The following RAB7A variants were observed in gnomAD, a reference collection of about 807,000 sequenced individuals.
RAB7A encodes the protein RAB7A, member RAS oncogene family, also known as ras-related protein Rab-7a.
Under a neutral mutation model 24.5 loss-of-function variants are expected in RAB7A, and 2 were observed. The observed-to-expected ratio is 0.08, with a 90% CI of 0.03 to 0.26. RAB7A has a LOEUF of 0.26. RAB7A is among the 10% of genes least tolerant of loss of function. The pLI, the probability that RAB7A is intolerant of heterozygous loss-of-function variation, is 1.00. For synonymous variants in RAB7A, 100 were observed against 95.9 expected (o/e 1.04, Z -0.25); for missense variants, 118 against 255.7 (o/e 0.46, Z 3.67).
chr3:128,737,645 G>A (rs1406360945), intron 1 of RAB7A, among the ~76,000 whole-genome samples: 2 of 148,736 alleles, frequency 1.3e-5, no homozygotes, highest in African/African-American at 4.9e-5. Flanking sequence ...CTATCTTTCT[G>A]TCTCTCTTTT....
chr3:128,744,783 C>T (rs937209665), intron 1 of RAB7A, among the ~76,000 whole-genome samples: 2 of 152,148 alleles, frequency 1.3e-5, no homozygotes, highest in African/African-American at 2.4e-5. Context: ...TGTGTTTCTG[C>T]CCTGCATTTG....
At chr3:128,807,112 A>G (rs1933820842) in intron 4 of RAB7A, among the ~76,000 whole-genome samples, 1 of 152,200 alleles carries the variant, frequency 6.6e-6, no homozygotes, top group Admixed American at 6.5e-5. Flanking sequence ...GGAAGGAATG[A>G]GAATGTGTGA....
intron 3 of RAB7A, among the ~76,000 whole-genome samples, chr3:128,806,094 C>T (rs904073384): frequency 3.3e-5 from 5 of 152,234 alleles, no homozygotes; most frequent in Non-Finnish European, 7.3e-5. Flanking sequence ...CACTTACCTA[C>T]ATGTGACCAC....
At chr3:128,732,049 T>TC (rs1180841049) in intron 1 of RAB7A, among the ~76,000 whole-genome samples, 14 of 149,954 alleles carry the variant, frequency 9.3e-5, no homozygotes, top group African/African-American at 2.9e-4. Flanking sequence ...TTTTTTTTTT[T>TC]TCTCTCTCTG....
chr3:128,779,341 A>G (rs1933163815), intron 1 of RAB7A, among the ~76,000 whole-genome samples: 1 of 151,820 alleles, frequency 6.6e-6, no homozygotes, highest in South Asian at 2.1e-4. Context: ...CCAGGAGACA[A>G]AGGTTGCAGT....
chr3:128,809,069 A>G (rs1002083074), intron 5 of RAB7A, among the ~76,000 whole-genome samples: 7 of 152,176 alleles, frequency 4.6e-5, no homozygotes, highest in African/African-American at 1.4e-4. Context: ...TAATGTTCAT[A>G]TAAGGGAATG....
At chr3:128,744,774 G>T (rs557441091) in intron 1 of RAB7A, among the ~76,000 whole-genome samples, 3 of 152,132 alleles carry the variant, frequency 2.0e-5, no homozygotes, top group Non-Finnish European at 4.4e-5. Flanking sequence ...TACAATGTGT[G>T]TGTTTCTGCC....
At chr3:128,768,836 G>A (rs946725574) in intron 1 of RAB7A, among the ~76,000 whole-genome samples, 1 of 151,646 alleles carries the variant, frequency 6.6e-6, no homozygotes, top group African/African-American at 2.4e-5. Context: ...TGGGATTACA[G>A]GCGTGAGACA....
At chr3:128,729,358 C>T (rs2070410867) in intron 1 of RAB7A, among the ~76,000 whole-genome samples, 1 of 152,110 alleles carries the variant, frequency 6.6e-6, no homozygotes, top group Admixed American at 6.5e-5. Context: ...ATCATGAGGT[C>T]AGGAGATCGA....
intron 1 of RAB7A, among the ~76,000 whole-genome samples, chr3:128,790,763 T>G (rs1230651300): frequency 6.6e-6 from 1 of 152,228 alleles, no homozygotes; most frequent in African/African-American, 2.4e-5. Context: ...TTTTATAACA[T>G]GCTTTTCAAG....
At chr3:128,809,773 C>T (rs1027561642) in intron 5 of RAB7A, among the ~76,000 whole-genome samples, 14 of 151,632 alleles carry the variant, frequency 9.2e-5, no homozygotes, top group East Asian at 5.8e-4. Context: ...TTACACAAGC[C>T]GTTTCCCTCC....
intron 1 of RAB7A, among the ~76,000 whole-genome samples, chr3:128,763,633 G>A (rs1385846644): frequency 6.6e-6 from 1 of 152,078 alleles, no homozygotes; most frequent in Non-Finnish European, 1.5e-5. Flanking sequence ...CCATATCACT[G>A]CATTGTAAAG....
intron 1 of RAB7A, among the ~76,000 whole-genome samples, chr3:128,740,168 A>T (rs193032251): frequency 3.1e-4 from 47 of 152,302 alleles, no homozygotes; most frequent in Admixed American, 2.1e-3. Flanking sequence ...TCACGAGGTC[A>T]GGAGATCAAG....
intron 1 of RAB7A, among the ~76,000 whole-genome samples, chr3:128,763,474 C>T (rs1326514051): frequency 6.6e-6 from 1 of 151,990 alleles, no homozygotes; most frequent in Non-Finnish European, 1.5e-5. Flanking sequence ...GTCTTGGCCT[C>T]CCAAAGTGCT....
intron 1 of RAB7A, among the ~76,000 whole-genome samples, chr3:128,761,437 C>T (rs1435217070): frequency 6.6e-6 from 1 of 152,166 alleles, no homozygotes; most frequent in Non-Finnish European, 1.5e-5. Flanking sequence ...TTGCCATTTT[C>T]CTGTCTGCTT....
intron 1 of RAB7A, among the ~76,000 whole-genome samples, chr3:128,789,322 G>A (rs1576295968): frequency 7.1e-6 from 1 of 140,874 alleles, no homozygotes; most frequent in Non-Finnish European, 1.5e-5. Flanking sequence ...TTCAAACTTT[G>A]TAGCCTTTTT....
intron 1 of RAB7A, among the ~76,000 whole-genome samples, chr3:128,726,608 C>T (rs961940024): frequency 6.6e-6 from 1 of 152,186 alleles, no homozygotes; most frequent in Non-Finnish European, 1.5e-5. Context: ...CTCGGACGCT[C>T]TGTTTACTGT....
At chr3:128,760,907 G>C (rs1425395919) in intron 1 of RAB7A, among the ~76,000 whole-genome samples, 1 of 152,182 alleles carries the variant, frequency 6.6e-6, no homozygotes, top group African/African-American at 2.4e-5. Context: ...CCCTTAAAAA[G>C]CTTCATCTCC....
intron 1 of RAB7A, among the ~76,000 whole-genome samples, chr3:128,762,566 C>T (rs955447104): frequency 1.3e-5 from 2 of 152,146 alleles, no homozygotes; most frequent in South Asian, 2.1e-4. Flanking sequence ...GTATTGAGTG[C>T]CTTCTGGGAG....
Sources: gnomAD v4.1 joint callset for allele counts (sites outside exome capture counted in the v4.1 genomes callset) on GRCh38, gnomAD v4.1.1 for gene constraint, MANE v1.5 for transcripts, NCBI Gene and HGNC (gene_info 2026-07-23, HGNC 2026-07-21) for gene names.